The following ZCCHC17 variants were observed in gnomAD, a reference collection of about 807,000 sequenced individuals.
ZCCHC17 encodes the protein zinc finger CCHC domain-containing protein 17.
In ZCCHC17, 18 loss-of-function variants were observed where a neutral mutation model predicts 30.6. The observed-to-expected ratio is 0.59, with a 90% CI of 0.41 to 0.87. The LOEUF is 0.87. Ranked by LOEUF, ZCCHC17 falls within the 40% of genes least tolerant of loss-of-function variation. The pLI is 0.00. For synonymous variants in ZCCHC17, 88 were observed against 92.4 expected, an observed-to-expected ratio of 0.95 and a Z score of 0.27; for missense variants, 263 against 284.2, an observed-to-expected ratio of 0.93 and a Z score of 0.54.
intron 5 of ZCCHC17, among the ~76,000 whole-genome samples, chr1:31,344,066 G>A (rs1334573282): frequency 1.3e-5 from 2 of 151,806 alleles, no homozygotes; most frequent in East Asian, 3.9e-4. Context: ...TGTTGGTCAG[G>A]TTGGTCTTGA....
At chr1:31,333,379 C>T (rs550588947) in intron 3 of ZCCHC17, among the ~76,000 whole-genome samples, 5 of 152,046 alleles carry the variant, frequency 3.3e-5, no homozygotes, top group South Asian at 4.2e-4. Flanking sequence ...AAAAATTAGC[C>T]GGGCGTGGTG....
At chr1:31,318,082 A>G in intron 2 of ZCCHC17, 1 of 1,042,540 alleles carries the variant, frequency 9.6e-7, no homozygotes, top group Non-Finnish European at 1.4e-6. Context: ...CATTTTGAAT[A>G]TTATTTTGCA....
In ZCCHC17 at chr1:31,337,212, G is replaced by A. The variant is rs986205885; in HGVS notation, c.162G>A (p.Val54=). Residue 54 remains valine, a synonymous_variant, in exon 4 of 8, where the codon GTG becomes GTA. Transcript: ENST00000344147. Reference sequence around the variant, plus strand: ...GAACTCATATGTCATCCTGTCGGGTGGATAAGCCCTCTGAGATAGTAGATG... The same window carrying A: ...GAACTCATATGTCATCCTGTCGGGTAGATAAGCCCTCTGAGATAGTAGATG... ...VHRTHMSSCR[V]DKPSEIVDVG... The A allele has an allele frequency of 3.7e-6, 6 of 1,613,952 alleles. No homozygotes were observed. The African/African-American group carries it at 6.7e-5, about 18-fold the overall frequency.
rs1640045687 is a variant in ZCCHC17 at position 31,364,225 on chromosome 1, T to G, written c.*32T>G. Reference sequence around the variant, plus strand: ...AAAGAGTGTAGGGGGTGGTTGAGAGTAAGAAACCAGGAGCCTTGTGCCTTG... The same window carrying G: ...AAAGAGTGTAGGGGGTGGTTGAGAGGAAGAAACCAGGAGCCTTGTGCCTTG... On this transcript the variant is annotated 3_prime_UTR_variant, in exon 8 of 8. Transcript: ENST00000344147. 2 of 1,590,268 alleles carry G rather than the reference T, an allele frequency of 1.3e-6. No individual in the cohort carries two copies. The highest frequency in any genetic ancestry group is 2.8e-5 in the African/African-American group (2 of 72,678).
In ZCCHC17 at chr1:31,339,028, T is replaced by C. The variant is rs780428611; in HGVS notation, c.297T>C (p.Asp99=). The part of the protein sequence containing the change: ...VVNQGTGKDL[D]PNNVIIEQEE... ...ATCAAGGGACTGGGAAAGACCTTGA[T>C]CCCAACAATGTTATCATTGAGTAAG... The change falls in exon 5 of 8, where the codon GAT becomes GAC. Residue 99 remains aspartate (D), a synonymous_variant. Transcript: ENST00000344147. The C allele has an allele frequency of 6.2e-7, 1 of 1,611,252 alleles. No individual in the cohort carries two copies. The highest frequency in any genetic ancestry group is 2.2e-5 in the East Asian group (1 of 44,826).
intron 7 of ZCCHC17, among the ~76,000 whole-genome samples, chr1:31,355,388 C>T (rs1639608914): frequency 6.6e-6 from 1 of 151,998 alleles, no homozygotes; most frequent in Non-Finnish European, 1.5e-5. Context: ...TTGTTTAGTG[C>T]TTACAGTTTA....
At chr1:31,363,550 G>A (rs1404811262) in intron 7 of ZCCHC17, among the ~76,000 whole-genome samples, 3 of 152,014 alleles carry the variant, frequency 2.0e-5, no homozygotes, top group South Asian at 2.1e-4. Context: ...ACAGCACTTC[G>A]GGAGGCCAAG....
chr1:31,358,182 G>C (rs1639721685), intron 7 of ZCCHC17, among the ~76,000 whole-genome samples: 1 of 151,328 alleles, frequency 6.6e-6, no homozygotes, highest in African/African-American at 2.4e-5. Flanking sequence ...AAAGAGTGTG[G>C]CATGATTAAA....
chr1:31,304,281 T>TTTTTC (rs1180004293), intron 1 of ZCCHC17, among the ~76,000 whole-genome samples: 13 of 151,816 alleles, frequency 8.6e-5, no homozygotes, highest in Non-Finnish European at 1.5e-4. Flanking sequence ...TCTTTTTTTT[T>TTTTTC]TTTCTTTCTG....
Position 31,344,016 on chromosome 1 carries a change from G to A in ZCCHC17, c.318-2624G>A, listed in dbSNP as rs1052758652. On this transcript the variant is annotated intron_variant, in intron 5 of 7. Transcript: ENST00000344147. ...ATTACAGGCATGTACCACTATGCTCGGCTAATTTTTGTTTTTTTAGTAGAG... is the reference window on the plus strand; with the variant it reads ...ATTACAGGCATGTACCACTATGCTCAGCTAATTTTTGTTTTTTTAGTAGAG... 8.6e-5 allele frequency among the ~76,000 whole-genome samples: 13 copies of A among 151,746 alleles called. No homozygotes were observed. The East Asian group carries it at 1.2e-3, about 14-fold the overall frequency.
At chr1:31,317,873 G>C (rs1382759980) in intron 2 of ZCCHC17, among the ~76,000 whole-genome samples, 1 of 152,108 alleles carries the variant, frequency 6.6e-6, no homozygotes, top group Non-Finnish European at 1.5e-5. Flanking sequence ...ATTGCTTTTG[G>C]CCATTAGAAT....
At chr1:31,336,708 G>A (rs1638832014) in intron 3 of ZCCHC17, among the ~76,000 whole-genome samples, 1 of 149,102 alleles carries the variant, frequency 6.7e-6, no homozygotes, top group Non-Finnish European at 1.5e-5. Context: ...TCTGTCACCT[G>A]GGCTGGAGTG....
intron 7 of ZCCHC17, among the ~76,000 whole-genome samples, chr1:31,351,278 C>G (rs1639460157): frequency 6.6e-6 from 1 of 152,178 alleles, no homozygotes; most frequent in East Asian, 1.9e-4. Flanking sequence ...AAGTGCATAT[C>G]TCAAAATTGT....
Position 31,364,400 on chromosome 1 carries a change from C to A in ZCCHC17, c.*207C>A. 1.2e-6 allele frequency: 1 copy of A among 819,158 alleles called. No individual in the cohort carries two copies. Among genetic ancestry groups the A allele is most frequent in the Non-Finnish European group, 1.8e-6 (1 of 548,474 alleles). 50.7% of individuals were successfully genotyped at this position (819,158 alleles called of 1,614,324 possible). ...TGAATGAGTTGTTGTTTCCTTATCA[C>A]TCCTGGTCCCTTTGCAAGTGAACCC... On this transcript the variant is annotated 3_prime_UTR_variant, in exon 8 of 8. Transcript: ENST00000344147.
chr1:31,324,969 C>T (rs571343119), intron 3 of ZCCHC17, among the ~76,000 whole-genome samples: 1 of 152,234 alleles, frequency 6.6e-6, no homozygotes, highest in South Asian at 2.1e-4. Flanking sequence ...AGGTGCTTTT[C>T]CTGGGCCTGC....
intron 7 of ZCCHC17, among the ~76,000 whole-genome samples, chr1:31,352,553 G>A (rs1639505463): frequency 6.6e-6 from 1 of 152,266 alleles, no homozygotes; most frequent in East Asian, 1.9e-4. Flanking sequence ...GCACAATTAT[G>A]TCTCACTGCA....
At chr1:31,303,092 C>T (rs1242455217) in intron 1 of ZCCHC17, among the ~76,000 whole-genome samples, 2 of 149,980 alleles carry the variant, frequency 1.3e-5, no homozygotes, top group Admixed American at 1.3e-4. Context: ...GACTGGGCAA[C>T]ATAATGAAAT....
chr1:31,344,929 G>C (rs892763125), intron 5 of ZCCHC17, among the ~76,000 whole-genome samples: 1 of 150,994 alleles, frequency 6.6e-6, no homozygotes, highest in Non-Finnish European at 1.5e-5. Flanking sequence ...GGTGCAGTCC[G>C]CTCACTGCAA....
intron 3 of ZCCHC17, among the ~76,000 whole-genome samples, chr1:31,326,491 G>A (rs566227106): frequency 2.0e-5 from 3 of 152,248 alleles, no homozygotes; most frequent in Non-Finnish European, 4.4e-5. Context: ...CACCCCACAG[G>A]ACATTCATCT....
Sources: gnomAD v4.1 joint callset for allele counts (sites outside exome capture counted in the v4.1 genomes callset) on GRCh38, gnomAD v4.1.1 for gene constraint, MANE v1.5 for transcripts, NCBI Gene and HGNC (gene_info 2026-07-23, HGNC 2026-07-21) for gene names.